CTNNAL1: variants seen among roughly 807,000 people sequenced by gnomAD.
CTNNAL1 encodes alpha-catulin.
In CTNNAL1, 69 loss-of-function variants were observed where a neutral mutation model predicts 93.6. That is an observed-to-expected ratio of 0.74 (90% CI 0.61 to 0.90). The LOEUF is 0.90. Among genes scored for constraint, CTNNAL1 ranks in the 40% least tolerant of loss-of-function variants. The probability of loss-of-function intolerance (pLI) is 0.00; values close to 1 mark genes in which losing one functional copy is unlikely to be tolerated. For missense variants in CTNNAL1, 836 were observed against 862.0 expected, an observed-to-expected ratio of 0.97 and a Z score of 0.38; for synonymous variants, 286 against 305.4, an observed-to-expected ratio of 0.94 and a Z score of 0.66.
At chr9:109,007,755 C>T (rs11794729) in intron 1 of CTNNAL1, among the ~76,000 whole-genome samples, 19,756 of 152,130 alleles carry the variant, frequency 0.13, 1,442 homozygotes, top group African/African-American at 0.17. Flanking sequence ...CAGCCACCAC[C>T]AAGCTTAAGA....
At chr9:108,954,858 T>C (rs7044275) in intron 12 of CTNNAL1, among the ~76,000 whole-genome samples, 54,345 of 152,170 alleles carry the variant, frequency 0.36, 10,001 homozygotes, top group Admixed American at 0.45. Flanking sequence ...ATTTCTAAAA[T>C]TCCAGACTTA....
intron 15 of CTNNAL1, among the ~76,000 whole-genome samples, chr9:108,946,924 A>T (rs971270322): frequency 2.0e-5 from 3 of 152,182 alleles, no homozygotes; most frequent in Non-Finnish European, 1.5e-5. Flanking sequence ...ACTGAAAAAA[A>T]AAATAAATTC....
At chr9:108,957,277 A>C (rs76949795) in intron 11 of CTNNAL1, among the ~76,000 whole-genome samples, 10,729 of 151,884 alleles carry the variant, frequency 0.071, 473 homozygotes, top group Admixed American at 0.13. Flanking sequence ...ATGTGACACC[A>C]GCTAATTTAT....
intron 1 of CTNNAL1, among the ~76,000 whole-genome samples, chr9:109,007,191 C>T (rs1304186783): frequency 6.6e-6 from 1 of 151,694 alleles, no homozygotes; most frequent in Non-Finnish European, 1.5e-5. Flanking sequence ...GCCGAGATCC[C>T]GCCATTGCAC....
chr9:108,944,085 T>C, intron 15 of CTNNAL1, 67 bp from the exon 16 acceptor site: 1 of 1,382,404 alleles, frequency 7.2e-7, no homozygotes, highest in South Asian at 1.3e-5. Context: ...GAAATATACT[T>C]ACTAATAATT....
At chr9:108,965,279 T>A in intron 11 of CTNNAL1, 99 bp downstream of exon 11, 2 of 1,007,048 alleles carry the variant, frequency 2.0e-6, no homozygotes, top group East Asian at 5.8e-5. Flanking sequence ...CCAGCTGGGT[T>A]ACGACAAGAA....
intron 1 of CTNNAL1, among the ~76,000 whole-genome samples, chr9:109,000,948 G>C (rs1826798275): frequency 6.6e-6 from 1 of 150,834 alleles, no homozygotes; most frequent in Non-Finnish European, 1.5e-5. Flanking sequence ...GGATCACAAG[G>C]TCAGGAGTTC....
chr9:108,977,034 T>C lies in CTNNAL1; in HGVS notation c.1116A>G (p.Thr372=), dbSNP rs1831287462. The C allele has an allele frequency of 1.3e-6, 2 of 1,528,996 alleles. No individual in the cohort carries two copies. The highest frequency in any genetic ancestry group is 1.8e-6 in the Non-Finnish European group (2 of 1,137,616). 94.7% of individuals were successfully genotyped at this position (1,528,996 alleles called of 1,614,324 possible). The change falls in exon 8 of 19, where the codon ACA becomes ACG. Residue 372 remains threonine (T), a synonymous_variant. Transcript: ENST00000325551. ...GTTCCAGTTCTTCAGCGATGCTTTT[T>C]GTTTTCTTGCTTTGCTAAAAATTTT... ...SVWIQAQSKK[T]KSIAEELELS... is the part of the protein sequence containing the mutation.
At chr9:108,951,928 A>G (rs1830574934) in intron 14 of CTNNAL1, among the ~76,000 whole-genome samples, 1 of 152,236 alleles carries the variant, frequency 6.6e-6, no homozygotes, top group African/African-American at 2.4e-5. Flanking sequence ...GAGAGGCATT[A>G]ACAATGCAGG....
chr9:108,972,864 G>GGGGGGTCC, intron 8 of CTNNAL1, 31 bp from the exon 9 acceptor site: 1 of 142,586 alleles, frequency 7.0e-6, no homozygotes, highest in Non-Finnish European at 1.0e-5. Flanking sequence ...GGGGGGGTGG[G>GGGGGGTCC]AGGGTGGAGA....
At chr9:108,943,882 AT>A in intron 16 of CTNNAL1, 66 bp from the exon 17 acceptor site, 1 of 1,599,702 alleles carries the variant, frequency 6.3e-7, no homozygotes, top group Non-Finnish European at 8.5e-7. Context: ...CCTTAAACAC[AT>A]TTATACATTG....
intron 7 of CTNNAL1, 121 bp from the exon 8 acceptor site, chr9:108,977,169 G>T: frequency 2.2e-6 from 1 of 447,828 alleles, no homozygotes; most frequent in Non-Finnish European, 3.9e-6. Context: ...TATAAAAGTA[G>T]ATTTTCAAAA....
chr9:108,978,190 T>C (rs1831318571), intron 7 of CTNNAL1, among the ~76,000 whole-genome samples: 1 of 152,210 alleles, frequency 6.6e-6, no homozygotes, highest in Admixed American at 6.5e-5. Flanking sequence ...TGAAGCAATC[T>C]ACACTTCAGA....
At chr9:108,972,863 G>GGGA in intron 8 of CTNNAL1, 30 bp from the exon 9 acceptor site, 2 of 231,688 alleles carry the variant, frequency 8.6e-6, no homozygotes, top group Non-Finnish European at 1.4e-5. Flanking sequence ...TGGGGGGGTG[G>GGGA]GAGGGTGGAG....
chr9:108,995,336 C>T (rs969789001), intron 2 of CTNNAL1, among the ~76,000 whole-genome samples: 8 of 152,160 alleles, frequency 5.3e-5, no homozygotes, highest in Non-Finnish European at 2.9e-5. Context: ...CTACACCTCT[C>T]AACCACAAAG....
chr9:108,954,192 A>G (rs1476479031), intron 12 of CTNNAL1, among the ~76,000 whole-genome samples: 1 of 152,192 alleles, frequency 6.6e-6, no homozygotes, highest in African/African-American at 2.4e-5. Context: ...CTATTTTGGA[A>G]TGCAGTCAGA....
At chr9:108,999,289 C>A in intron 1 of CTNNAL1, 33 bp from the exon 2 acceptor site, 1 of 1,557,516 alleles carries the variant, frequency 6.4e-7, no homozygotes, top group South Asian at 1.2e-5. Flanking sequence ...ACTTTTATCT[C>A]AATACCTTTT....
chr9:108,986,758 T>C (rs1328589741), intron 4 of CTNNAL1, among the ~76,000 whole-genome samples: 10 of 152,228 alleles, frequency 6.6e-5, no homozygotes, highest in Non-Finnish European at 1.5e-4. Context: ...TGGTTTTGAT[T>C]TGCATTTCTC....
At chr9:108,993,638 T>A (rs1831899881) in intron 2 of CTNNAL1, among the ~76,000 whole-genome samples, 1 of 152,226 alleles carries the variant, frequency 6.6e-6, no homozygotes, top group Non-Finnish European at 1.5e-5. Context: ...TATCTACTAA[T>A]AAAACAATCC....
Sources: allele counts gnomAD v4.1 joint callset (sites outside exome capture counted in the v4.1 genomes callset), GRCh38; gene constraint gnomAD v4.1.1; transcripts MANE v1.5; gene names NCBI Gene and HGNC (gene_info 2026-07-23, HGNC 2026-07-21).